ZNF599: variants seen among roughly 807,000 people sequenced by gnomAD.
ZNF599 encodes zinc finger protein 599.
A neutral mutation model predicts 11.7 loss-of-function variants in ZNF599; 10 were observed. That is an observed-to-expected ratio of 0.86 (90% CI 0.53 to 1.45). The LOEUF is 1.45. Ranked by LOEUF, ZNF599 falls within the 40% of genes most tolerant of loss-of-function variation. The pLI is 0.00. For missense variants in ZNF599, 688 were observed against 713.6 expected, an observed-to-expected ratio of 0.96 and a Z score of 0.41; for synonymous variants, 232 against 253.2, an observed-to-expected ratio of 0.92 and a Z score of 0.79.
chr19:34,794,941 A>C, the ZNF599 span, among the ~76,000 whole-genome samples: 1 of 152,104 alleles, frequency 6.6e-6, no homozygotes, highest in Non-Finnish European at 1.5e-5. Flanking sequence ...TGCTGATCTT[A>C]TGGGCATAGG....
chr19:34,774,352 C>T (rs1489243534), upstream of ZNF599, among the ~76,000 whole-genome samples: 1 of 152,146 alleles, frequency 6.6e-6, no homozygotes, highest in Non-Finnish European at 1.5e-5. Context: ...CCAGCTTATG[C>T]CCAGCAACTC....
Position 34,758,828 on chromosome 19 carries a change from T to C in ZNF599, c.*206A>G, listed in dbSNP as rs1020202035. ...GGCTCTAAACTGGGTGAATCTTTAA[T>C]ATAATTCTTTGGATGACAAGTGATT... is the stretch of plus-strand genomic sequence containing the variant. On this transcript the variant is annotated 3_prime_UTR_variant, in exon 4 of 4. Coordinates refer to ENST00000329285, the MANE Select transcript of ZNF599 (RefSeq NM_001007248.3). The C allele has an allele frequency of 2.3e-4, 130 of 573,702 alleles. No individual in the cohort carries two copies. The highest frequency in any genetic ancestry group is 8.8e-5 in the Non-Finnish European group (29 of 330,542). 35.5% of individuals were successfully genotyped at this position (573,702 alleles called of 1,614,324 possible). A position where few individuals can be genotyped will look rare whatever the true frequency, so the allele number is the denominator to read the frequency against.
chr19:34,771,932 T>C (rs1354856934), intron 1 of ZNF599, among the ~76,000 whole-genome samples: 2 of 151,980 alleles, frequency 1.3e-5, no homozygotes, highest in Non-Finnish European at 2.9e-5. Context: ...CCACAAAGAC[T>C]GGGAGAGACT....
chr19:34,802,510 T>C, the ZNF599 span, among the ~76,000 whole-genome samples: 5 of 152,170 alleles, frequency 3.3e-5, no homozygotes, highest in African/African-American at 1.2e-4. Context: ...CACAACACAG[T>C]ATGTGTGGGC....
rs774787545 is a variant in ZNF599 at position 34,759,550 on chromosome 19, A to G, written c.1251T>C (p.His417=). 1.2e-6 allele frequency: 2 copies of G among 1,611,308 alleles called. No individual in the cohort carries two copies. Among genetic ancestry groups the G allele is most frequent in the Non-Finnish European group, 1.7e-6 (2 of 1,179,322 alleles). The change falls in exon 4 of 4, where the codon CAT becomes CAC. Residue 417 remains histidine (H), a synonymous_variant. Transcript: ENST00000329285. ...TGCACTCAAAGGGCTTCTCTCCGGTATGGGTCCTCTTATGTCGGATGAAAG... is the reference window on the plus strand; with the variant it reads ...TGCACTCAAAGGGCTTCTCTCCGGTGTGGGTCCTCTTATGTCGGATGAAAG... ...RSTFIRHKRT[H]TGEKPFECKE...
intron 3 of ZNF599, among the ~76,000 whole-genome samples, chr19:34,760,989 G>A (rs1171289985): frequency 4.6e-5 from 7 of 152,180 alleles, no homozygotes; most frequent in Admixed American, 1.3e-4. Flanking sequence ...GGTGAGCTAC[G>A]TGGGCTTTCT....
Position 34,767,353 on chromosome 19 carries a change from C to T in ZNF599, c.204G>A (p.Trp68Ter). 2 of 1,614,162 alleles carry T rather than the reference C, an allele frequency of 1.2e-6. No individual in the cohort carries two copies. The highest frequency in any genetic ancestry group is 2.2e-5 in the South Asian group (2 of 91,082). ...TTTGGGAGAGGCCTCTCTTCACTGT[C>T]CACAGTTCCTGTCCATGTTCCAGTA... Reference protein sequence around the residue: ...IYLLEHGQELWTVKRGLSQST... With the variant: ...IYLLEHGQEL The change falls in exon 3 of 4, where the codon TGG (tryptophan) becomes TGA (stop). Residue 68 changes from tryptophan (W) to a stop codon, truncating the protein, a stop_gained. Coordinates refer to ENST00000329285, the MANE Select transcript of ZNF599 (RefSeq NM_001007248.3). LOFTEE classifies it low-confidence loss of function (END_TRUNC).
At chr19:34,772,206 G>A (rs1327475055) in intron 1 of ZNF599, 2 of 470,322 alleles carry the variant, frequency 4.3e-6, no homozygotes, top group African/African-American at 4.2e-5. Flanking sequence ...GTGTTAAACA[G>A]AAGCACGGAT....
At chr19:34,801,489 CAT>C in the ZNF599 span, among the ~76,000 whole-genome samples, 1 of 152,240 alleles carries the variant, frequency 6.6e-6, no homozygotes, top group African/African-American at 2.4e-5. Context: ...TCACAGAACT[CAT>C]AAGCCCTTTC....
Position 34,772,913 on chromosome 19 carries a change from G to C in ZNF599, c.-72C>G, listed in dbSNP as rs995375519. Reference sequence around the variant, plus strand: ...GTCCTGCGGGCTCGGCCGACCCCGGGCTCCGGCTCTGGGCTGCGAGGGACC... The same window carrying C: ...GTCCTGCGGGCTCGGCCGACCCCGGCCTCCGGCTCTGGGCTGCGAGGGACC... On this transcript the variant is annotated 5_prime_UTR_variant, in exon 1 of 4. Transcript: ENST00000329285. 4.9e-5 allele frequency: 68 copies of C among 1,395,180 alleles called. No individual in the cohort carries two copies. The highest frequency in any genetic ancestry group is 4.8e-4 in the Middle Eastern group (2 of 4,200). 86.4% of individuals were successfully genotyped at this position (1,395,180 alleles called of 1,614,324 possible). A position where few individuals can be genotyped will look rare whatever the true frequency, so the allele number is the denominator to read the frequency against.
At chr19:34,793,792 T>C in the ZNF599 span, among the ~76,000 whole-genome samples, 1 of 152,206 alleles carries the variant, frequency 6.6e-6, no homozygotes, top group Admixed American at 6.5e-5. Flanking sequence ...CGTGGATTGC[T>C]GGCTAGCTAT....
chr19:34,797,839 C>A, the ZNF599 span, among the ~76,000 whole-genome samples: 1 of 152,108 alleles, frequency 6.6e-6, no homozygotes, highest in South Asian at 2.1e-4. Context: ...ACCAGTTAGA[C>A]CACAAAATCT....
intron 1 of ZNF599, among the ~76,000 whole-genome samples, chr19:34,771,540 C>A (rs2069184112): frequency 6.6e-6 from 1 of 152,168 alleles, no homozygotes; most frequent in Non-Finnish European, 1.5e-5. Flanking sequence ...GAGCTCAATG[C>A]AGCACACATC....
chr19:34,766,526 AC>A (rs2069144702), intron 3 of ZNF599, among the ~76,000 whole-genome samples: 1 of 152,198 alleles, frequency 6.6e-6, no homozygotes, highest in Non-Finnish European at 1.5e-5. Context: ...TATGACTAAC[AC>A]TACATTAATA....
At chr19:34,771,732 C>T (rs147013021) in intron 1 of ZNF599, among the ~76,000 whole-genome samples, 1 of 151,972 alleles carries the variant, frequency 6.6e-6, no homozygotes, top group African/African-American at 2.4e-5. Context: ...GATGGGAGCC[C>T]CAGAGGATAG....
upstream of ZNF599, among the ~76,000 whole-genome samples, chr19:34,777,002 G>T (rs1273129798): frequency 2.6e-5 from 4 of 151,790 alleles, no homozygotes; most frequent in Non-Finnish European, 2.9e-5. Flanking sequence ...TGGTGGGTGT[G>T]TCTTATGGAA....
chr19:34,803,652 G>A, the ZNF599 span, among the ~76,000 whole-genome samples: 2 of 151,996 alleles, frequency 1.3e-5, no homozygotes, highest in African/African-American at 2.4e-5. Flanking sequence ...CCCATTAATC[G>A]CTGTGTCTGT....
chr19:34,796,605 C>T, the ZNF599 span, among the ~76,000 whole-genome samples: 48 of 152,272 alleles, frequency 3.2e-4, no homozygotes, highest in Non-Finnish European at 5.7e-4. Context: ...GCCACCATGC[C>T]CAGCCTTTCC....
At chr19:34,778,574 C>T in the ZNF599 span, among the ~76,000 whole-genome samples, 1 of 152,048 alleles carries the variant, frequency 6.6e-6, no homozygotes, top group African/African-American at 2.4e-5. Context: ...GGGAAATTGG[C>T]AAACACTACA....
Sources: allele counts gnomAD v4.1 joint callset (sites outside exome capture counted in the v4.1 genomes callset), GRCh38; gene constraint gnomAD v4.1.1; transcripts MANE v1.5; gene names NCBI Gene and HGNC (gene_info 2026-07-23, HGNC 2026-07-21).